The following EML6 variants were observed in gnomAD, a reference collection of about 807,000 sequenced individuals.
EML6 encodes the protein EMAP like 6, also known as echinoderm microtubule-associated protein-like 6.
In EML6, 154 loss-of-function variants were observed where a neutral mutation model predicts 240.1. The ratio of observed to expected loss-of-function variants is 0.64; its 90% CI spans 0.56 to 0.73. The LOEUF (loss-of-function observed/expected upper bound fraction) is 0.73. EML6 is among the 30% of genes least tolerant of loss of function. The pLI, the probability that EML6 is intolerant of heterozygous loss-of-function variation, is 0.00. For missense variants in EML6, 2,964 were observed against 2,474.6 expected, an observed-to-expected ratio of 1.20 and a Z score of -4.20; for synonymous variants, 1,148 against 899.0, an observed-to-expected ratio of 1.28 and a Z score of -4.95.
intron 10 of EML6, among the ~76,000 whole-genome samples, chr2:54,851,359 G>C (rs6716399): frequency 0.12 from 18,999 of 152,232 alleles, 1,484 homozygotes; most frequent in East Asian, 0.29. Context: ...GTTGCAGCGA[G>C]CTGAGATCGC....
chr2:54,947,431 T>C (rs569975209), intron 28 of EML6, among the ~76,000 whole-genome samples: 15 of 152,338 alleles, frequency 9.8e-5, no homozygotes, highest in South Asian at 4.1e-4. Context: ...TTATCACTTA[T>C]GATTACATAA....
At chr2:54,750,895 C>A (rs139385661) in intron 2 of EML6, among the ~76,000 whole-genome samples, 1,764 of 152,224 alleles carry the variant, frequency 0.012, 41 homozygotes, top group African/African-American at 0.041. Flanking sequence ...TGGCAGTCCT[C>A]CCCGAGCCAC....
At chr2:54,921,909 A>G (rs1485492674) in intron 26 of EML6, among the ~76,000 whole-genome samples, 2 of 152,194 alleles carry the variant, frequency 1.3e-5, no homozygotes, top group Non-Finnish European at 2.9e-5. Flanking sequence ...ATCTCACACC[A>G]TTTAAAAAAA....
At position 54,858,584 on chromosome 2, in the gene EML6, T is replaced by C. The variant is rs115564687; in HGVS notation, c.1658-950T>C. On this transcript the variant is annotated intron_variant, in intron 11 of 41. Coordinates refer to ENST00000356458, the MANE Select transcript of EML6 (RefSeq NM_001039753.4). ...GGTAACTCTTTGAAGTAGGCAAGTT[T>C]GCTTTTGAGACCCAATGCTTCCTTT... is the stretch of plus-strand genomic sequence containing the variant. Among the ~76,000 whole-genome samples, 896 of 152,334 alleles carry C rather than the reference T, an allele frequency of 5.9e-3. 2 individuals carry two copies. The highest frequency in any genetic ancestry group is 8.2e-3 in the Non-Finnish European group (558 of 68,026).
At chr2:54,903,975 A>G (rs936538731) in intron 24 of EML6, among the ~76,000 whole-genome samples, 3 of 152,162 alleles carry the variant, frequency 2.0e-5, no homozygotes, top group Non-Finnish European at 2.9e-5. Context: ...TCTGCTCTAT[A>G]AAACTCCCAA....
At position 54,847,480 on chromosome 2, in the gene EML6, G is replaced by C; in HGVS notation, c.1050-6G>C. On this transcript the variant is annotated splice_region_variant and splice_polypyrimidine_tract_variant and intron_variant, in intron 8 of 41. Transcript: ENST00000356458. ...TGTTTTGTTTTGACTTCGTTCTTGT[G>C]CCTAGGCTGTGGAGCCTGGCTGATC... 6.4e-7 allele frequency: 1 copy of C among 1,550,856 alleles called. No individual in the cohort carries two copies. Among genetic ancestry groups the C allele is most frequent in the Non-Finnish European group, 8.7e-7 (1 of 1,146,906 alleles).
intron 28 of EML6, among the ~76,000 whole-genome samples, chr2:54,930,785 A>G (rs899338489): frequency 6.6e-6 from 1 of 152,012 alleles, no homozygotes; most frequent in African/African-American, 2.4e-5. Flanking sequence ...CCGGGAGCAG[A>G]GTGGGGCCCT....
chr2:54,916,687 G>A, intron 25 of EML6, 72 bp from the exon 26 acceptor site: 6 of 1,256,514 alleles, frequency 4.8e-6, no homozygotes, highest in Non-Finnish European at 3.2e-6. Flanking sequence ...AATTACTCAG[G>A]TGCAAACTGT....
chr2:54,769,987 T>G, intron 2 of EML6, among the ~76,000 whole-genome samples: 1 of 152,344 alleles, frequency 6.6e-6, no homozygotes, highest in East Asian at 1.9e-4. Context: ...TATATTATTG[T>G]AATTTAGAAT....
chr2:54,732,019 T>C (rs1465910871), intron 2 of EML6, among the ~76,000 whole-genome samples: 2 of 152,202 alleles, frequency 1.3e-5, no homozygotes, highest in African/African-American at 2.4e-5. Context: ...TGAAATGATA[T>C]CTCATTGTGG....
At position 54,950,785 on chromosome 2, in the gene EML6, C is replaced by T. The variant is rs752154192; in HGVS notation, c.4213+6C>T. ...CGTTCAGAACCTCTCCACAGGTAACCGGGGGTTAAAAAATACAGGTTTTTC... is the reference window on the plus strand; with the variant it reads ...CGTTCAGAACCTCTCCACAGGTAACTGGGGGTTAAAAAATACAGGTTTTTC... On this transcript the variant is annotated splice_donor_region_variant and intron_variant, in intron 30 of 41. Coordinates refer to ENST00000356458, the MANE Select transcript of EML6 (RefSeq NM_001039753.4). 4.0e-5 allele frequency: 62 copies of T among 1,546,528 alleles called. No homozygotes were observed. In the East Asian group the frequency reaches 8.8e-4, roughly 22 times the overall value.
intron 26 of EML6, among the ~76,000 whole-genome samples, chr2:54,923,878 A>G (rs1674399464): frequency 6.6e-6 from 1 of 152,178 alleles, no homozygotes; most frequent in South Asian, 2.1e-4. Context: ...TTTCATATAA[A>G]TGAAATAGGT....
intron 2 of EML6, among the ~76,000 whole-genome samples, chr2:54,796,688 C>T (rs1669797538): frequency 6.6e-6 from 1 of 152,058 alleles, no homozygotes; most frequent in Non-Finnish European, 1.5e-5. Flanking sequence ...GGGATTTAAG[C>T]ATACTAGGCA....
At chr2:54,955,979 T>C (rs1030311864) in intron 32 of EML6, among the ~76,000 whole-genome samples, 1 of 152,126 alleles carries the variant, frequency 6.6e-6, no homozygotes, top group Admixed American at 6.6e-5. Flanking sequence ...AGAGAGCCTA[T>C]TATTCATTCT....
chr2:54,843,723 G>C (rs578072002), intron 7 of EML6, among the ~76,000 whole-genome samples: 2 of 151,694 alleles, frequency 1.3e-5, no homozygotes, highest in African/African-American at 4.8e-5. Flanking sequence ...GGCATCTGTA[G>C]TCCCAGCTAC....
At chr2:54,904,483 G>C (rs1240466034) in intron 24 of EML6, among the ~76,000 whole-genome samples, 2 of 152,184 alleles carry the variant, frequency 1.3e-5, no homozygotes, top group Non-Finnish European at 2.9e-5. Flanking sequence ...CTCTGTAGAA[G>C]GGAGTGACCT....
Position 54,928,857 on chromosome 2 carries a change from C to A in EML6, c.4004+106C>A, listed in dbSNP as rs1223252578. 12 of 1,340,258 alleles carry A rather than the reference C, an allele frequency of 9.0e-6. No homozygotes were observed. The Admixed American group carries it at 1.7e-4, about 19-fold the overall frequency. 83.0% of individuals were successfully genotyped at this position (1,340,258 alleles called of 1,614,324 possible). The stretch of plus-strand genomic sequence containing the variant: ...CCTCAAAGTTGCTGTTTAAGTCAGT[C>A]TTTTATAAATCTTCACAGAGTCTTC... On this transcript the variant is annotated intron_variant, in intron 28 of 41. Coordinates refer to ENST00000356458, the MANE Select transcript of EML6 (RefSeq NM_001039753.4).
At chr2:54,763,527 A>G (rs1668061849) in intron 2 of EML6, among the ~76,000 whole-genome samples, 1 of 152,206 alleles carries the variant, frequency 6.6e-6, no homozygotes, top group African/African-American at 2.4e-5. Flanking sequence ...TTAAGTTAGC[A>G]ATCTGCTTTT....
At chr2:54,779,804 G>C (rs1242580347) in intron 2 of EML6, among the ~76,000 whole-genome samples, 1 of 148,018 alleles carries the variant, frequency 6.8e-6, no homozygotes, top group Non-Finnish European at 1.5e-5. Context: ...GAAGGTTGCA[G>C]TGAGCCAAGA....
Sources: gnomAD v4.1 joint callset for allele counts (sites outside exome capture counted in the v4.1 genomes callset) on GRCh38, gnomAD v4.1.1 for gene constraint, MANE v1.5 for transcripts, NCBI Gene and HGNC (gene_info 2026-07-23, HGNC 2026-07-21) for gene names.